The following GAK variants were observed in gnomAD, a reference collection of about 807,000 sequenced individuals.
The protein encoded by GAK is cyclin G associated kinase.
Under a neutral mutation model 143.9 loss-of-function variants are expected in GAK, and 79 were observed. The ratio of observed to expected loss-of-function variants is 0.55; its 90% CI spans 0.46 to 0.66. The LOEUF (loss-of-function observed/expected upper bound fraction) is 0.66. GAK is among the 30% of genes least tolerant of loss of function. GAK has a pLI of 0.00. For synonymous variants in GAK, 881 were observed against 765.5 expected (o/e 1.15, Z -2.49); for missense variants, 1,693 against 1,779.7 (o/e 0.95, Z 0.88).
intron 1 of GAK, chr4:913,989 C>A: frequency 4.6e-6 from 1 of 218,372 alleles, no homozygotes; most frequent in South Asian, 3.3e-5. Context: ...CACACACAGC[C>A]CCAGCGTGCA....
At chr4:864,023 T>A (rs1750719930) in intron 23 of GAK, among the ~76,000 whole-genome samples, 7 of 151,122 alleles carry the variant, frequency 4.6e-5, no homozygotes. Context: ...AGACTCCATC[T>A]CCCAAAGAAA....
Position 870,716 on chromosome 4 carries a change from T to G in GAK, c.2243A>C (p.Lys748Thr). Reference protein sequence around the residue: ...SREEQQDILSKFGKPELPRQP... With the variant: ...SREEQQDILSTFGKPELPRQP... ...ATTCACCTGCGGGATCTTACCAAAC[T>G]TAGACAGAATGTCTTGCTGCTCCTC... is the stretch of plus-strand genomic sequence containing the variant. Residue 748 changes from lysine to threonine, a missense_variant, in exon 19 of 28, where the codon AAG becomes ACG. Physicochemically the swap from Lys to Thr is moderately conservative, Grantham distance 78. Around this residue, in one of 2 missense-constraint regions of GAK, gnomAD observed 822 missense variants for 788.7 expected, o/e 1.04. Transcript: ENST00000314167. 6.2e-7 allele frequency: 1 copy of G among 1,613,814 alleles called. No homozygotes were observed. The highest frequency in any genetic ancestry group is 8.5e-7 in the Non-Finnish European group (1 of 1,179,932).
At chr4:894,978 C>CAAATAAATAAATAAATAAATAAAT (rs1553885659) in intron 7 of GAK, among the ~76,000 whole-genome samples, 1 of 126,458 alleles carries the variant, frequency 7.9e-6, no homozygotes, top group Non-Finnish European at 1.7e-5. Context: ...GACTCTGTCT[C>CAAATAAATAAATAAATAAATAAAT]AAATAAATAA....
intron 10 of GAK, 100 bp from the exon 11 acceptor site, chr4:889,070 C>T: frequency 2.9e-6 from 4 of 1,373,120 alleles, no homozygotes; most frequent in Admixed American, 2.6e-5. Context: ...TCGGTCCCAC[C>T]TCCCCAGGCG....
chr4:920,793 C>T (rs919963997), intron 1 of GAK, among the ~76,000 whole-genome samples: 2 of 152,026 alleles, frequency 1.3e-5, no homozygotes, highest in African/African-American at 2.4e-5. Context: ...CCCCCTGCCT[C>T]GGCCTCCCAA....
At chr4:885,620 G>A (rs1051296160) in intron 11 of GAK, among the ~76,000 whole-genome samples, 2 of 152,184 alleles carry the variant, frequency 1.3e-5, no homozygotes, top group African/African-American at 4.8e-5. Context: ...CAGAAACCAG[G>A]GCCCAGACAC....
At position 894,252 on chromosome 4, in the gene GAK, G is replaced by T. The variant is rs1244468588; in HGVS notation, c.742-243C>A. ...CAACAGGGGTGACACCCGGGCCGCGGGGAGCGCAGGGGTGACGTTGGGGCC... is the reference window on the plus strand; with the variant it reads ...CAACAGGGGTGACACCCGGGCCGCGTGGAGCGCAGGGGTGACGTTGGGGCC... On this transcript the variant is annotated intron_variant, in intron 7 of 27. Coordinates refer to ENST00000314167, the MANE Select transcript of GAK (RefSeq NM_005255.4). The T allele has an allele frequency of 1.1e-5, 5 of 445,538 alleles. No homozygotes were observed. In the Admixed American group the frequency reaches 1.3e-4, roughly 11 times the overall value. The allele number at this position is 445,538 out of a possible 1,614,324, so 27.6% of individuals were successfully genotyped here.
chr4:928,519 G>A (rs906607639), intron 1 of GAK, among the ~76,000 whole-genome samples: 2 of 152,208 alleles, frequency 1.3e-5, no homozygotes, highest in African/African-American at 4.8e-5. Context: ...GACAGAGCCA[G>A]ACTCTTTTCA....
At chr4:925,391 G>A (rs1323796888) in intron 1 of GAK, among the ~76,000 whole-genome samples, 1 of 152,176 alleles carries the variant, frequency 6.6e-6, no homozygotes, top group Non-Finnish European at 1.5e-5. Context: ...CACGGAGCAC[G>A]CTGGGGACGG....
At chr4:907,148 C>T (rs189219106) in intron 4 of GAK, among the ~76,000 whole-genome samples, 62 of 152,338 alleles carry the variant, frequency 4.1e-4, no homozygotes, top group African/African-American at 1.4e-3. Flanking sequence ...CGGTCGGGAC[C>T]TGCCACAGCT....
At chr4:898,279 C>T (rs900498618) in intron 5 of GAK, 121 bp from the exon 6 acceptor site, 18 of 1,174,602 alleles carry the variant, frequency 1.5e-5, no homozygotes, top group East Asian at 7.8e-5. Context: ...CCCAGGGCCA[C>T]GGCTGCCGGG....
intron 2 of GAK, 74 bp downstream of exon 2, chr4:913,533 C>T (rs1577290258): frequency 1.7e-6 from 2 of 1,143,814 alleles, no homozygotes; most frequent in African/African-American, 1.5e-5. Flanking sequence ...GGGACGCATC[C>T]CTGAAAAGAC....
chr4:880,916 C>A (rs537610126), intron 15 of GAK, among the ~76,000 whole-genome samples: 1 of 152,200 alleles, frequency 6.6e-6, no homozygotes, highest in African/African-American at 2.4e-5. Flanking sequence ...CAGGCCCCAC[C>A]GCACCTGGCC....
chr4:896,678 C>T, intron 6 of GAK, 129 bp from the exon 7 acceptor site: 1 of 725,222 alleles, frequency 1.4e-6, no homozygotes, highest in East Asian at 2.7e-5. Context: ...CACACTATGC[C>T]CCGGGATGAC....
In GAK at chr4:864,545, G is replaced by A. The variant is rs76407199; in HGVS notation, c.3166+577C>T. 8.5e-4 allele frequency among the ~76,000 whole-genome samples: 130 copies of A among 152,322 alleles called. 1 individual carries two copies. In the East Asian group the frequency reaches 0.023, roughly 27 times the overall value. Reference sequence around the variant, plus strand: ...AGCATACGCATCCGCGCTACCAGACGCCGCGGGAGGGCCGGCTCCAGGGTG... The same window carrying A: ...AGCATACGCATCCGCGCTACCAGACACCGCGGGAGGGCCGGCTCCAGGGTG... On this transcript the variant is annotated intron_variant, in intron 23 of 27. Coordinates refer to ENST00000314167, the MANE Select transcript of GAK (RefSeq NM_005255.4).
Position 883,474 on chromosome 4 carries a change from C to T in GAK, c.1256-11G>A. On this transcript the variant is annotated splice_polypyrimidine_tract_variant and intron_variant, in intron 12 of 27. Transcript: ENST00000314167. ...CTGGGAATGACATCACTGAAACAAG[C>T]AGACCTGCGTCAGCACCTGGGAGAT... 1 of 1,612,912 alleles carries T rather than the reference C, an allele frequency of 6.2e-7. No individual in the cohort carries two copies. The highest frequency in any genetic ancestry group is 8.5e-7 in the Non-Finnish European group (1 of 1,179,874).
intron 9 of GAK, among the ~76,000 whole-genome samples, chr4:891,116 G>A (rs867366952): frequency 4.6e-5 from 7 of 151,956 alleles, no homozygotes; most frequent in African/African-American, 9.7e-5. Flanking sequence ...GCGCCACCAC[G>A]CCTGGCTAAT....
At chr4:930,142 T>C (rs77566372) in intron 1 of GAK, among the ~76,000 whole-genome samples, 9,305 of 152,248 alleles carry the variant, frequency 0.061, 474 homozygotes, top group African/African-American at 0.13. Flanking sequence ...CCATAGCCTA[T>C]GTTCTAAGGT....
chr4:923,574 C>T (rs1724224039), intron 1 of GAK, among the ~76,000 whole-genome samples: 1 of 152,132 alleles, frequency 6.6e-6, no homozygotes, highest in Non-Finnish European at 1.5e-5. Context: ...ACCTGGGAGG[C>T]TGAGGTGGGA....
Sources: allele counts gnomAD v4.1 joint callset (sites outside exome capture counted in the v4.1 genomes callset), GRCh38; gene constraint gnomAD v4.1.1; regional missense constraint gnomAD v4.1.1; transcripts MANE v1.5; gene names NCBI Gene and HGNC (gene_info 2026-07-23, HGNC 2026-07-21).